INTS9: variants seen among roughly 807,000 people sequenced by gnomAD.
The protein encoded by INTS9 is protein related to CPSF subunits of 74 kDa.
INTS9 carries 55 observed loss-of-function variants against 79.7 expected under a neutral mutation model. The ratio of observed to expected loss-of-function variants is 0.69; its 90% CI spans 0.56 to 0.86. INTS9 has a LOEUF of 0.86. Among genes scored for constraint, INTS9 ranks in the 40% least tolerant of loss-of-function variants. The pLI is 0.00. For synonymous variants in INTS9, 319 were observed against 325.2 expected (o/e 0.98, Z 0.20); for missense variants, 721 against 831.5 (o/e 0.87, Z 1.64).
At chr8:28,837,899 T>C in intron 4 of INTS9, 123 bp from the exon 5 acceptor site, 1 of 907,382 alleles carries the variant, frequency 1.1e-6, no homozygotes, top group Non-Finnish European at 1.7e-6. Flanking sequence ...ATGATGGCTT[T>C]CCTGCAACAC....
chr8:28,854,059 ACT>A, intron 2 of INTS9, among the ~76,000 whole-genome samples: 1 of 151,880 alleles, frequency 6.6e-6, no homozygotes. Context: ...ACAGAGTCTT[ACT>A]CTGTCACCCA....
At chr8:28,826,433 CA>C (rs773582125) in intron 6 of INTS9, among the ~76,000 whole-genome samples, 19 of 152,172 alleles carry the variant, frequency 1.2e-4, no homozygotes, top group Non-Finnish European at 2.2e-4. Flanking sequence ...AGGAGGAGCT[CA>C]GGGGTAACCC....
chr8:28,774,205 A>T (rs546814324), intron 14 of INTS9, among the ~76,000 whole-genome samples: 61 of 152,388 alleles, frequency 4.0e-4, no homozygotes, highest in African/African-American at 1.4e-3. Context: ...CACAGTGAAC[A>T]GACAAGGCAA....
Position 28,812,443 on chromosome 8 carries a change from G to T in INTS9, c.628C>A (p.Gln210Lys), listed in dbSNP as rs763753187. 1 of 1,613,816 alleles carries T rather than the reference G, an allele frequency of 6.2e-7. No individual in the cohort carries two copies. Residue 210 changes from glutamine (Q) to lysine (K), a missense_variant, in exon 8 of 17, where the codon CAG (glutamine) becomes AAG (lysine). Physicochemically the swap from Gln to Lys is moderately conservative, Grantham distance 53. This residue lies in a region of INTS9 where 291 missense variants were observed against 307.0 expected (regional missense o/e 0.95). Coordinates refer to ENST00000521022, the MANE Select transcript of INTS9 (RefSeq NM_018250.4). ...TAGCCAGAGCTCAGAGGAGTCACCT[G>T]GACCGCACCAAAAAGCTCCTAAAAG... ...SQKIELFGAVQVTPLSSGYAL... is the reference protein window; with the variant it reads ...SQKIELFGAVKVTPLSSGYAL...
In INTS9 at chr8:28,767,885, C is replaced by T; in HGVS notation, c.*261G>A. On this transcript the variant is annotated 3_prime_UTR_variant, in exon 17 of 17. Coordinates refer to ENST00000521022, the MANE Select transcript of INTS9 (RefSeq NM_018250.4). ...AACCTCTTGGAAAACTTCTCCTGTC[C>T]CACTTCTGCCACCCTCCAGCTCCTT... The T allele has an allele frequency of 2.2e-6, 1 of 457,132 alleles. No homozygotes were observed. The highest frequency in any genetic ancestry group is 4.3e-5 in the East Asian group (1 of 23,264). 28.3% of individuals were successfully genotyped at this position (457,132 alleles called of 1,614,324 possible).
Position 28,878,766 on chromosome 8 carries a change from G to C in INTS9, c.9+11108C>G, listed in dbSNP as rs139448204. On this transcript the variant is annotated intron_variant, in intron 1 of 16. Transcript: ENST00000521022. ...GCCCCAAGGCGGCCAGGTAACTTGA[G>C]GTCAGGAGTTCGAGACCAGCCTGAC... Among the ~76,000 whole-genome samples the C allele has an allele frequency of 6.3e-3, 964 of 152,022 alleles. 28 individuals carry two copies. Among genetic ancestry groups the C allele is most frequent in the Admixed American group, 0.045 (687 of 15,284 alleles).
chr8:28,780,782 A>C (rs371051003), intron 12 of INTS9, 41 bp downstream of exon 12: 2 of 1,605,788 alleles, frequency 1.2e-6, no homozygotes, highest in African/African-American at 2.7e-5. Context: ...TCATGGCCTC[A>C]GTGGAGAGAA....
At chr8:28,782,853 G>A (rs7814699) in intron 11 of INTS9, among the ~76,000 whole-genome samples, 30,368 of 151,952 alleles carry the variant, frequency 0.2, 3,409 homozygotes, top group East Asian at 0.47. Context: ...GGGTAACTGA[G>A]ACCCTGTCAC....
At chr8:28,803,604 T>C (rs1308087548) in intron 8 of INTS9, among the ~76,000 whole-genome samples, 3 of 152,184 alleles carry the variant, frequency 2.0e-5, no homozygotes, top group Non-Finnish European at 2.9e-5. Context: ...TCATGGTATA[T>C]CCACGCGACA....
intron 1 of INTS9, among the ~76,000 whole-genome samples, chr8:28,870,947 G>A (rs746422429): frequency 6.6e-6 from 1 of 152,108 alleles, no homozygotes; most frequent in Non-Finnish European, 1.5e-5. Context: ...TCAAAGAAAC[G>A]GATTTCCAAA....
Position 28,859,581 on chromosome 8 carries a change from A to G in INTS9, c.10-18T>C. Reference sequence around the variant, plus strand: ...AGGCAATACTGAAAAAAATTAAATCACTTTGATCAGTAATCAATTACAGAA... The same window carrying G: ...AGGCAATACTGAAAAAAATTAAATCGCTTTGATCAGTAATCAATTACAGAA... On this transcript the variant is annotated intron_variant, in intron 1 of 16. Coordinates refer to ENST00000521022, the MANE Select transcript of INTS9 (RefSeq NM_018250.4). 1 of 1,613,400 alleles carries G rather than the reference A, an allele frequency of 6.2e-7. No individual in the cohort carries two copies. Among genetic ancestry groups the G allele is most frequent in the African/African-American group, 1.3e-5 (1 of 75,042 alleles).
At chr8:28,794,986 T>C (rs533840764) in intron 9 of INTS9, among the ~76,000 whole-genome samples, 3 of 152,330 alleles carry the variant, frequency 2.0e-5, no homozygotes, top group African/African-American at 7.2e-5. Context: ...TTAGTCCAAT[T>C]ATTTTTCTAA....
intron 1 of INTS9, 41 bp from the exon 2 acceptor site, chr8:28,859,604 G>A: frequency 1.2e-6 from 2 of 1,604,368 alleles, no homozygotes; most frequent in Non-Finnish European, 8.5e-7. Flanking sequence ...ATCAATTACA[G>A]AAGAATCCTA....
rs542156027 is a variant in INTS9 at position 28,854,107 on chromosome 8, A to T, written c.138-3834T>A. ...CACTTGTGTGATCACAGTCCACCAC[A>T]GACTCGAACTCCTGGGCTCAAGTCT... On this transcript the variant is annotated intron_variant, in intron 2 of 16. Coordinates refer to ENST00000521022, the MANE Select transcript of INTS9 (RefSeq NM_018250.4). Among the ~76,000 whole-genome samples the T allele has an allele frequency of 4.6e-5, 7 of 151,996 alleles. No individual in the cohort carries two copies. The South Asian group carries it at 1.5e-3, about 32-fold the overall frequency.
chr8:28,786,498 G>A (rs1803599252), intron 11 of INTS9, among the ~76,000 whole-genome samples: 1 of 152,042 alleles, frequency 6.6e-6, no homozygotes, highest in African/African-American at 2.4e-5. Context: ...TTGCCATGAT[G>A]TCAAGGTTGG....
intron 1 of INTS9, among the ~76,000 whole-genome samples, chr8:28,888,440 G>A (rs1810285599): frequency 2.3e-5 from 1 of 43,338 alleles, no homozygotes; most frequent in Admixed American, 2.8e-4. Context: ...CAGCTATATG[G>A]GGAGACTGAC....
chr8:28,780,903 T>G lies in INTS9; in HGVS notation c.1190A>C (p.His397Pro), dbSNP rs1585340292. 1 of 1,614,104 alleles carries G rather than the reference T, an allele frequency of 6.2e-7. No individual in the cohort carries two copies. ...CACGTCCCCGAAGCGGAGGGAAGGG[T>G]GCCCGGTGAACACCACACAGGGCTG... ...FRQPCVVFTG[H>P]PSLRFGDVVH... The change falls in exon 12 of 17, where the codon CAC (histidine) becomes CCC (proline). Residue 397 changes from histidine (H) to proline (P), a missense_variant. His to Pro is a moderately conservative substitution (Grantham distance 77, BLOSUM62 -2). Around this residue, in one of 3 missense-constraint regions of INTS9, gnomAD observed 149 missense variants for 223.7 expected, o/e 0.67. Coordinates refer to ENST00000521022, the MANE Select transcript of INTS9 (RefSeq NM_018250.4).
At chr8:28,822,042 T>G (rs751580757) in intron 6 of INTS9, among the ~76,000 whole-genome samples, 13 of 152,172 alleles carry the variant, frequency 8.5e-5, no homozygotes, top group Non-Finnish European at 1.9e-4. Flanking sequence ...GCTGGGATTA[T>G]GGGCATGACT....
intron 14 of INTS9, among the ~76,000 whole-genome samples, chr8:28,772,248 G>A (rs1802591722): frequency 6.6e-6 from 1 of 152,218 alleles, no homozygotes; most frequent in Non-Finnish European, 1.5e-5. Flanking sequence ...AGTTTGGCTG[G>A]GTGCGGTGGC....
Sources: allele counts gnomAD v4.1 joint callset (sites outside exome capture counted in the v4.1 genomes callset), GRCh38; gene constraint gnomAD v4.1.1; regional missense constraint gnomAD v4.1.1; transcripts MANE v1.5; gene names NCBI Gene and HGNC (gene_info 2026-07-23, HGNC 2026-07-21).